FAM193A: variants seen among roughly 807,000 people sequenced by gnomAD.
The protein encoded by FAM193A is family with sequence similarity 193 member A, also known as protein FAM193A.
A neutral mutation model predicts 126.5 loss-of-function variants in FAM193A; 22 were observed. The ratio of observed to expected loss-of-function variants is 0.17; its 90% CI spans 0.12 to 0.25. The LOEUF (loss-of-function observed/expected upper bound fraction) is 0.25, where lower values mean the gene tolerates loss of function less well. Among genes scored for constraint, FAM193A ranks in the 10% least tolerant of loss-of-function variants. The pLI is 1.00. For synonymous variants in FAM193A, 761 were observed against 646.8 expected, an observed-to-expected ratio of 1.18 and a Z score of -2.68; for missense variants, 1,675 against 1,672.8, an observed-to-expected ratio of 1.00 and a Z score of -0.02.
At chr4:2,673,086 C>G (rs905468493) in intron 13 of FAM193A, among the ~76,000 whole-genome samples, 6 of 152,144 alleles carry the variant, frequency 3.9e-5, no homozygotes, top group Non-Finnish European at 8.8e-5. Flanking sequence ...TTCTTTGGAC[C>G]TTAGATAGCT....
intron 13 of FAM193A, among the ~76,000 whole-genome samples, chr4:2,675,264 T>A (rs1347544517): frequency 6.6e-6 from 1 of 152,214 alleles, no homozygotes; most frequent in Admixed American, 6.5e-5. Context: ...TCCAATTGAT[T>A]GATGGTGCTC....
chr4:2,597,777 T>C (rs1269405873), intron 2 of FAM193A, among the ~76,000 whole-genome samples: 1 of 152,166 alleles, frequency 6.6e-6, no homozygotes, highest in Non-Finnish European at 1.5e-5. Flanking sequence ...TAAGATTCAC[T>C]CTTTTTTTAC....
chr4:2,731,693 A>G (rs1721413164), intron 20 of FAM193A, 82 bp from the exon 21 acceptor site: 3 of 1,041,244 alleles, frequency 2.9e-6, no homozygotes, highest in East Asian at 2.4e-5. Context: ...TGGCAAGAAC[A>G]GGAGTGTGAT....
intron 19 of FAM193A, among the ~76,000 whole-genome samples, chr4:2,700,854 C>T (rs1348335612): frequency 7.2e-5 from 11 of 152,060 alleles, no homozygotes; most frequent in Non-Finnish European, 1.5e-5. Context: ...ATCCTAGCTA[C>T]TCGGGGAGGC....
intron 6 of FAM193A, among the ~76,000 whole-genome samples, chr4:2,640,440 T>G (rs1044443087): frequency 2.0e-5 from 3 of 152,058 alleles, no homozygotes; most frequent in African/African-American, 7.2e-5. Flanking sequence ...GTGAGAAGAT[T>G]TAGGCTGGGC....
In FAM193A at chr4:2,621,298, G is replaced by T. The variant is rs1039344874; in HGVS notation, c.502-3964G>T. On this transcript the variant is annotated intron_variant, in intron 2 of 20. Coordinates refer to ENST00000637812, the MANE Select transcript of FAM193A (RefSeq NM_001366318.2). Reference sequence around the variant, plus strand: ...CCTTCATTGTAAGTGTGGCGAAGAAGGGTGGATTTGGAGTTGAGAGGCAAA... The same window carrying T: ...CCTTCATTGTAAGTGTGGCGAAGAATGGTGGATTTGGAGTTGAGAGGCAAA... 3.3e-5 allele frequency among the ~76,000 whole-genome samples: 5 copies of T among 152,190 alleles called. No individual in the cohort carries two copies. In the South Asian group the frequency reaches 8.3e-4, roughly 25 times the overall value.
intron 2 of FAM193A, among the ~76,000 whole-genome samples, chr4:2,611,256 A>C (rs112849561): frequency 0.018 from 2,702 of 151,266 alleles, 64 homozygotes; most frequent in African/African-American, 0.053. Context: ...TTTAATCTGC[A>C]TTTTCTATTT....
intron 3 of FAM193A, among the ~76,000 whole-genome samples, chr4:2,625,719 CTTT>C (rs35220520): frequency 4.4e-4 from 35 of 79,298 alleles, no homozygotes; most frequent in South Asian, 2.3e-3. Context: ...TGGAGCTCAT[CTTT>C]TTTTTTTTTT....
chr4:2,654,177 CTG>C (rs1745940588), intron 7 of FAM193A, among the ~76,000 whole-genome samples: 1 of 152,148 alleles, frequency 6.6e-6, no homozygotes. Flanking sequence ...AATTGAGTCT[CTG>C]TTCACAAATA....
chr4:2,633,170 G>A (rs1166896659), intron 5 of FAM193A, among the ~76,000 whole-genome samples: 1 of 152,150 alleles, frequency 6.6e-6, no homozygotes, highest in African/African-American at 2.4e-5. Context: ...GGCCGAGGCA[G>A]GCAGATCACC....
At chr4:2,676,137 C>T (rs2109184163) in intron 13 of FAM193A, among the ~76,000 whole-genome samples, 1 of 152,210 alleles carries the variant, frequency 6.6e-6, no homozygotes, top group East Asian at 1.9e-4. Flanking sequence ...GGGGTGTGTA[C>T]CCGGAAGTGG....
intron 1 of FAM193A, among the ~76,000 whole-genome samples, chr4:2,583,001 T>A (rs765423521): frequency 2.0e-5 from 3 of 152,274 alleles, no homozygotes; most frequent in Middle Eastern, 3.4e-3. Flanking sequence ...GGAGTTTTGC[T>A]CTTGTCTCCC....
intron 2 of FAM193A, among the ~76,000 whole-genome samples, chr4:2,620,836 C>CAAAAAAAAAAAGAAAAAA (rs1207985820): frequency 5.6e-4 from 39 of 69,094 alleles, no homozygotes; most frequent in African/African-American, 2.2e-3. Flanking sequence ...AACTCCGTCT[C>CAAAAAAAAAAAGAAAAAA]AAAAAAAAAA....
chr4:2,690,654 A>G (rs767562613), intron 14 of FAM193A, 44 bp from the exon 15 acceptor site: 8 of 1,563,636 alleles, frequency 5.1e-6, no homozygotes, highest in Admixed American at 1.8e-5. Context: ...TTAGCTAAGT[A>G]TGATTGCTGT....
At chr4:2,657,587 C>CG (rs994662447) in intron 7 of FAM193A, among the ~76,000 whole-genome samples, 5 of 152,156 alleles carry the variant, frequency 3.3e-5, no homozygotes, top group African/African-American at 1.2e-4. Flanking sequence ...TTATTCATCT[C>CG]TGTCTTTCAT....
At chr4:2,622,260 A>C (rs1022067099) in intron 2 of FAM193A, among the ~76,000 whole-genome samples, 12 of 140,454 alleles carry the variant, frequency 8.5e-5, no homozygotes, top group Non-Finnish European at 1.5e-4. Flanking sequence ...CTGTCTCCAA[A>C]AAAAAAAAAA....
chr4:2,663,419 G>A (rs1712721352), intron 12 of FAM193A, 131 bp downstream of exon 12: 5 of 654,870 alleles, frequency 7.6e-6, no homozygotes, highest in Non-Finnish European at 9.7e-6. Flanking sequence ...AGAGAGTCAA[G>A]GCATACTTAC....
intron 19 of FAM193A, among the ~76,000 whole-genome samples, chr4:2,711,366 GTCTC>G (rs1207436136): frequency 2.6e-5 from 4 of 151,628 alleles, no homozygotes; most frequent in African/African-American, 9.7e-5. Flanking sequence ...TTGAGATGGA[GTCTC>G]TCTCTGTCGC....
intron 1 of FAM193A, among the ~76,000 whole-genome samples, chr4:2,566,025 A>G (rs1268254752): frequency 6.6e-6 from 1 of 152,134 alleles, no homozygotes; most frequent in Non-Finnish European, 1.5e-5. Flanking sequence ...GGTAAAGGTG[A>G]CATTTTAACA....
Sources: allele counts gnomAD v4.1 joint callset (sites outside exome capture counted in the v4.1 genomes callset), GRCh38; gene constraint gnomAD v4.1.1; transcripts MANE v1.5; gene names NCBI Gene and HGNC (gene_info 2026-07-23, HGNC 2026-07-21).